The following ETV1 variants were observed in gnomAD, a reference collection of about 807,000 sequenced individuals.
ETV1 encodes the protein ETS translocation variant 1.
ETV1 carries 27 observed loss-of-function variants against 62.3 expected under a neutral mutation model. The ratio of observed to expected loss-of-function variants is 0.43; its 90% CI spans 0.32 to 0.60. ETV1 has a LOEUF of 0.60. ETV1 is among the 20% of genes least tolerant of loss of function. ETV1 has a pLI of 0.06. For synonymous variants in ETV1, 222 were observed against 199.6 expected, an observed-to-expected ratio of 1.11 and a Z score of -0.94; for missense variants, 605 against 605.8, an observed-to-expected ratio of 1.00 and a Z score of 0.01.
chr7:13,965,428 A>C (rs760579713), intron 6 of ETV1, among the ~76,000 whole-genome samples: 1 of 152,168 alleles, frequency 6.6e-6, no homozygotes, highest in Non-Finnish European at 1.5e-5. Context: ...CTATTAGTGA[A>C]ACACATTCTT....
At chr7:13,954,418 C>T (rs777661254) in intron 6 of ETV1, among the ~76,000 whole-genome samples, 7 of 152,132 alleles carry the variant, frequency 4.6e-5, no homozygotes, top group South Asian at 2.1e-4. Flanking sequence ...AACACCAAGA[C>T]GACTAAAACT....
Position 13,935,763 on chromosome 7 carries a change from C to T in ETV1, c.499G>A (p.Ala167Thr), listed in dbSNP as rs760526649. The T allele has an allele frequency of 1.9e-6, 3 of 1,613,658 alleles. No individual in the cohort carries two copies. Among genetic ancestry groups the T allele is most frequent in the East Asian group, 2.2e-5 (1 of 44,860 alleles). Residue 167 changes from alanine to threonine, a missense_variant, in exon 8 of 14, where the codon GCT becomes ACT. By Grantham distance (58) the Ala-to-Thr change is moderately conservative. This residue lies in a region of ETV1 where 426 missense variants were observed against 377.8 expected (regional missense o/e 1.13). Coordinates refer to ENST00000430479, the MANE Select transcript of ETV1 (RefSeq NM_004956.5). ...ATGGACTGCGATGGAGGGAGGTGAG[C>T]TGGGAAGGCCCGGTCAGGTTTCGGT... ...HTPKPDRAFP[A>T]HLPPSQSIPD...
At chr7:13,950,725 T>C (rs1342726384) in intron 6 of ETV1, among the ~76,000 whole-genome samples, 1 of 152,132 alleles carries the variant, frequency 6.6e-6, no homozygotes, top group Non-Finnish European at 1.5e-5. Flanking sequence ...TACCAAGATG[T>C]GGCCAACTCT....
At chr7:13,932,957 G>A (rs1583685429) in intron 8 of ETV1, among the ~76,000 whole-genome samples, 1 of 152,148 alleles carries the variant, frequency 6.6e-6, no homozygotes, top group African/African-American at 2.4e-5. Flanking sequence ...GGTGGTCATG[G>A]AAAGCACTGA....
At chr7:13,938,236 C>T (rs146630806) in intron 7 of ETV1, among the ~76,000 whole-genome samples, 1 of 152,154 alleles carries the variant, frequency 6.6e-6, no homozygotes. Context: ...TGAGCCACTG[C>T]GTCTGGCCTA....
intron 9 of ETV1, among the ~76,000 whole-genome samples, chr7:13,918,874 TA>T (rs370489670): frequency 7.8e-4 from 111 of 141,636 alleles, no homozygotes; most frequent in South Asian, 1.1e-3. Flanking sequence ...TAAAGTATAA[TA>T]AAAAAAAAAA....
intron 12 of ETV1, among the ~76,000 whole-genome samples, chr7:13,903,590 C>G (rs1647343426): frequency 6.6e-6 from 1 of 151,752 alleles, no homozygotes. Context: ...TAGTGAAACC[C>G]CGTCCCTACT....
chr7:13,916,727 A>G (rs2128427686), intron 9 of ETV1, among the ~76,000 whole-genome samples: 1 of 152,222 alleles, frequency 6.6e-6, no homozygotes, highest in South Asian at 2.1e-4. Flanking sequence ...CCAGGAGTTC[A>G]AGACCAGCCT....
At chr7:13,971,398 T>C (rs1444595517) in intron 6 of ETV1, among the ~76,000 whole-genome samples, 1 of 152,256 alleles carries the variant, frequency 6.6e-6, no homozygotes, top group African/African-American at 2.4e-5. Context: ...CACAAGGGTC[T>C]GTCTGGATGA....
At chr7:13,919,172 A>G (rs1784538734) in intron 9 of ETV1, among the ~76,000 whole-genome samples, 1 of 152,160 alleles carries the variant, frequency 6.6e-6, no homozygotes, top group South Asian at 2.1e-4. Flanking sequence ...CGTTACAAAA[A>G]CACTAAAAGA....
At chr7:13,914,352 T>C (rs1455890766) in intron 9 of ETV1, among the ~76,000 whole-genome samples, 2 of 152,140 alleles carry the variant, frequency 1.3e-5, no homozygotes, top group Admixed American at 6.5e-5. Context: ...AAATGCTCTA[T>C]GACATATTAG....
chr7:13,898,957 A>G (rs1782121650), intron 13 of ETV1, among the ~76,000 whole-genome samples: 1 of 152,192 alleles, frequency 6.6e-6, no homozygotes. Flanking sequence ...TGTGCCAGTT[A>G]CAATGTAAAG....
At chr7:13,953,389 C>T (rs1789048835) in intron 6 of ETV1, among the ~76,000 whole-genome samples, 9 of 152,200 alleles carry the variant, frequency 5.9e-5, no homozygotes, top group Admixed American at 5.2e-4. Flanking sequence ...CTCTTTAAGC[C>T]CTGCAAAGTT....
chr7:13,909,481 T>G (rs1583589988), intron 11 of ETV1, 151 bp downstream of exon 11: 1 of 636,796 alleles, frequency 1.6e-6, no homozygotes, highest in Non-Finnish European at 2.8e-6. Flanking sequence ...AGAGATAAAT[T>G]GTAATAGGTC....
chr7:13,947,313 G>A (rs1166634893), intron 6 of ETV1, among the ~76,000 whole-genome samples: 1 of 143,330 alleles, frequency 7.0e-6, no homozygotes, highest in Admixed American at 7.4e-5. Context: ...ATGTTTAAGT[G>A]TTGACTTAAC....
chr7:13,957,186 C>T (rs929472199), intron 6 of ETV1, among the ~76,000 whole-genome samples: 20 of 151,946 alleles, frequency 1.3e-4, no homozygotes, highest in Non-Finnish European at 2.2e-4. Context: ...CCCAGGTTTA[C>T]GCCATTCTCC....
At chr7:13,940,267 C>G (rs572062377) in intron 6 of ETV1, among the ~76,000 whole-genome samples, 1 of 150,686 alleles carries the variant, frequency 6.6e-6, no homozygotes, top group African/African-American at 2.4e-5. Flanking sequence ...GAGGCTGAGG[C>G]GGGAGAATTG....
At chr7:13,910,776 A>G (rs1454529729) in intron 10 of ETV1, among the ~76,000 whole-genome samples, 1 of 152,210 alleles carries the variant, frequency 6.6e-6, no homozygotes, top group Non-Finnish European at 1.5e-5. Flanking sequence ...CTCTTTCTCT[A>G]GGCCTCCTAT....
At chr7:13,987,780 A>T (rs893754784) in intron 4 of ETV1, among the ~76,000 whole-genome samples, 6 of 152,224 alleles carry the variant, frequency 3.9e-5, no homozygotes, top group Non-Finnish European at 7.3e-5. Flanking sequence ...TTAAATTGTT[A>T]TCTTAGTGAA....
Sources: gnomAD v4.1 joint callset for allele counts (sites outside exome capture counted in the v4.1 genomes callset) on GRCh38, gnomAD v4.1.1 for gene constraint, gnomAD v4.1.1 regional missense constraint, MANE v1.5 for transcripts, NCBI Gene and HGNC (gene_info 2026-07-23, HGNC 2026-07-21) for gene names.